The following CRHR2 variants were observed in gnomAD, a reference collection of about 807,000 sequenced individuals.
CRHR2 encodes the protein corticotropin releasing hormone receptor 2.
A neutral mutation model predicts 57.9 loss-of-function variants in CRHR2; 53 were observed. The ratio of observed to expected loss-of-function variants is 0.92; its 90% CI spans 0.73 to 1.15. The LOEUF is 1.15. CRHR2 is among the 50% of genes most tolerant of loss of function. The pLI is 0.00. For synonymous variants in CRHR2, 213 were observed against 220.9 expected (o/e 0.96, Z 0.32); for missense variants, 532 against 542.6 (o/e 0.98, Z 0.19).
intron 2 of CRHR2, among the ~76,000 whole-genome samples, chr7:30,673,477 C>T (rs962233595): frequency 1.3e-5 from 2 of 152,298 alleles, no homozygotes; most frequent in South Asian, 2.1e-4. Context: ...CTCAGCCTCC[C>T]AAAATGTTGG....
rs1223914321 is a variant in CRHR2 at position 30,656,371 on chromosome 7, G to A, written c.832-359C>T. Among the ~76,000 whole-genome samples the A allele has an allele frequency of 6.6e-6, 1 of 152,188 alleles. No homozygotes were observed. The highest frequency in any genetic ancestry group is 1.5e-5 in the Non-Finnish European group (1 of 68,022). On this transcript the variant is annotated intron_variant, in intron 8 of 11. Coordinates refer to ENST00000471646, the MANE Select transcript of CRHR2 (RefSeq NM_001883.5). The surrounding 1 kb of genome is among the most constrained non-coding windows in gnomAD (Gnocchi z 4.4). ...GGAGCCCCCTTCCCCTCACTGCCAC[G>A]GGGTCCCTACTTGTTGACTGCGGGG...
At chr7:30,663,521 G>A (rs1008040291) in intron 5 of CRHR2, among the ~76,000 whole-genome samples, 1 of 152,238 alleles carries the variant, frequency 6.6e-6, no homozygotes, top group Non-Finnish European at 1.5e-5. Context: ...AGGCATGAGG[G>A]TAGCTGTGTT....
chr7:30,672,720 C>A (rs1306169710), intron 2 of CRHR2, among the ~76,000 whole-genome samples: 1 of 152,226 alleles, frequency 6.6e-6, no homozygotes, highest in African/African-American at 2.4e-5. Flanking sequence ...TCTCAAACAG[C>A]AAACCTGTGG....
upstream of CRHR2, chr7:30,682,470 G>C: frequency 7.5e-7 from 1 of 1,328,548 alleles, no homozygotes; most frequent in African/African-American, 1.5e-5. Flanking sequence ...GACCTTCCCG[G>C]AGAGGAGCCG....
At position 30,681,838 on chromosome 7, in the gene CRHR2, C is replaced by T. The variant is rs573226226; in HGVS notation, c.229+77G>A. On this transcript the variant is annotated intron_variant, in intron 2 of 11. Coordinates refer to ENST00000471646, the MANE Select transcript of CRHR2 (RefSeq NM_001883.5). Reference sequence around the variant, plus strand: ...GTCAGCAGCTTTGTACCGCTGGGTCCGGAATCCTCTTTACTCCCTAAACCG... The same window carrying T: ...GTCAGCAGCTTTGTACCGCTGGGTCTGGAATCCTCTTTACTCCCTAAACCG... The T allele has an allele frequency of 1.3e-5, 19 of 1,511,488 alleles. No individual in the cohort carries two copies. In the East Asian group the frequency reaches 3.1e-4, roughly 25 times the overall value. 93.6% of individuals were successfully genotyped at this position (1,511,488 alleles called of 1,614,324 possible).
intron 5 of CRHR2, among the ~76,000 whole-genome samples, chr7:30,664,815 G>A (rs1784122655): frequency 6.6e-6 from 1 of 152,038 alleles, no homozygotes; most frequent in African/African-American, 2.4e-5. Flanking sequence ...AATCTCCAAG[G>A]GGTCTGTCTC....
intron 2 of CRHR2, among the ~76,000 whole-genome samples, chr7:30,670,138 C>T (rs1427652580): frequency 6.6e-6 from 1 of 152,276 alleles, no homozygotes; most frequent in East Asian, 1.9e-4. Context: ...CACACACACA[C>T]ACACAAACAC....
intron 2 of CRHR2, among the ~76,000 whole-genome samples, chr7:30,676,966 C>T (rs1190025735): frequency 6.6e-6 from 1 of 152,202 alleles, no homozygotes; most frequent in East Asian, 1.9e-4. Context: ...CATTGCGGAG[C>T]TTGAGGTCAA....
chr7:30,673,228 G>C (rs2251002), intron 2 of CRHR2, among the ~76,000 whole-genome samples: 75,280 of 145,556 alleles, frequency 0.52, 21,766 homozygotes, highest in Non-Finnish European at 0.65. Flanking sequence ...TTTTTTTTTT[G>C]AGATGGGGTC....
At chr7:30,681,861 C>A in intron 2 of CRHR2, 54 bp downstream of exon 2, 2 of 1,570,706 alleles carry the variant, frequency 1.3e-6, no homozygotes, top group Admixed American at 1.9e-5. Flanking sequence ...ACTCCCTAAA[C>A]CGCCTTCTCA....
chr7:30,656,284 C>T lies in CRHR2; in HGVS notation c.832-272G>A, dbSNP rs905495521. On this transcript the variant is annotated intron_variant, in intron 8 of 11. Coordinates refer to ENST00000471646, the MANE Select transcript of CRHR2 (RefSeq NM_001883.5). This position sits in a 1 kb window ranked among gnomAD's most constrained non-coding sequence, Gnocchi z 4.4. ...CCTCTGTGGGTCGTGACCGAGAGCA[C>T]GGGGCATGCCCTCTGAGGCTGAGAA... Among the ~76,000 whole-genome samples the T allele has an allele frequency of 6.6e-5, 10 of 152,128 alleles. No homozygotes were observed. The highest frequency in any genetic ancestry group is 1.4e-4 in the African/African-American group (6 of 41,422).
intron 6 of CRHR2, 124 bp from the exon 7 acceptor site, chr7:30,662,340 A>C: frequency 8.9e-7 from 1 of 1,127,450 alleles, no homozygotes; most frequent in Non-Finnish European, 1.3e-6. Context: ...CAGGCCACCC[A>C]CAACCCCAGG....
At chr7:30,689,095 G>A (rs1379487169) in intron 2 of CRHR2, 1 of 1,134,392 alleles carries the variant, frequency 8.8e-7, no homozygotes, top group African/African-American at 1.5e-5. Flanking sequence ...CCACCACCCT[G>A]CTGAGCCTGG....
upstream of CRHR2, chr7:30,682,482 C>G (rs377723248): frequency 2.3e-6 from 3 of 1,322,082 alleles, no homozygotes; most frequent in Admixed American, 4.2e-5. Context: ...GAGGAGCCGC[C>G]GAGTGCACGG....
upstream of CRHR2, chr7:30,686,477 G>A (rs909718409): frequency 1.4e-5 from 21 of 1,520,100 alleles, no homozygotes; most frequent in Non-Finnish European, 1.8e-5. Flanking sequence ...ATGTGTGTGT[G>A]TTGCATTGAG....
exon 1 of CRHR2, chr7:30,699,958 G>A (rs1417314709): frequency 6.7e-7 from 1 of 1,501,904 alleles, no homozygotes; most frequent in South Asian, 1.3e-5. Context: ...TGGAGCGGCG[G>A]TGGGAGGAGG....
intron 2 of CRHR2, among the ~76,000 whole-genome samples, chr7:30,674,057 C>T (rs1021531304): frequency 2.0e-5 from 3 of 152,168 alleles, no homozygotes; most frequent in African/African-American, 7.2e-5. Flanking sequence ...CTGTTCTGGA[C>T]CTTCAGAGAC....
intron 1 of CRHR2, among the ~76,000 whole-genome samples, chr7:30,697,620 C>A (rs1398235421): frequency 6.6e-6 from 1 of 152,120 alleles, no homozygotes; most frequent in Non-Finnish European, 1.5e-5. Flanking sequence ...CTCAAAAGCA[C>A]CAGCTGGAAC....
intron 1 of CRHR2, among the ~76,000 whole-genome samples, chr7:30,697,599 C>T (rs1167688176): frequency 1.3e-5 from 2 of 152,060 alleles, no homozygotes; most frequent in Non-Finnish European, 2.9e-5. Flanking sequence ...TGGGCCAGGG[C>T]ATCCTCTTCA....
Sources: allele counts gnomAD v4.1 joint callset (sites outside exome capture counted in the v4.1 genomes callset), GRCh38; gene constraint gnomAD v4.1.1; non-coding constraint Gnocchi (gnomAD v3.1); transcripts MANE v1.5; gene names NCBI Gene and HGNC (gene_info 2026-07-23, HGNC 2026-07-21).